The following MAGI2 variants were observed in gnomAD, a reference collection of about 807,000 sequenced individuals.
The protein encoded by MAGI2 is membrane-associated guanylate kinase, WW and PDZ domain-containing protein 2.
In MAGI2, 35 loss-of-function variants were observed where a neutral mutation model predicts 133.3. The ratio of observed to expected loss-of-function variants is 0.26; its 90% CI spans 0.20 to 0.35. The LOEUF is 0.35. Ranked by LOEUF, MAGI2 falls within the 10% of genes least tolerant of loss-of-function variation. The probability of loss-of-function intolerance (pLI) is 1.00; values close to 1 mark genes in which losing one functional copy is unlikely to be tolerated. For synonymous variants in MAGI2, 729 were observed against 710.6 expected (o/e 1.03, Z -0.41); for missense variants, 1,636 against 1,863.4 (o/e 0.88, Z 2.25).
intron 9 of MAGI2, among the ~76,000 whole-genome samples, chr7:78,295,001 G>A (rs142415383): frequency 1.2e-4 from 18 of 152,086 alleles, no homozygotes; most frequent in Non-Finnish European, 2.2e-4. Flanking sequence ...AAGATAAGGC[G>A]TCATTATTTT....
chr7:78,451,146 C>T (rs1035525611), intron 6 of MAGI2, among the ~76,000 whole-genome samples: 3 of 152,004 alleles, frequency 2.0e-5, no homozygotes, highest in African/African-American at 7.2e-5. Flanking sequence ...GTTTAGTTCC[C>T]ACTTGTGGCT....
At chr7:78,715,083 G>A (rs1423405493) in intron 2 of MAGI2, among the ~76,000 whole-genome samples, 2 of 152,164 alleles carry the variant, frequency 1.3e-5, no homozygotes, top group African/African-American at 4.8e-5. Flanking sequence ...CACTAAGGCT[G>A]ATATTTACTA....
At chr7:78,889,710 A>C (rs1796579937) in intron 2 of MAGI2, among the ~76,000 whole-genome samples, 1 of 152,210 alleles carries the variant, frequency 6.6e-6, no homozygotes, top group African/African-American at 2.4e-5. Context: ...GCCTGCCCTA[A>C]AAGACCTCCT....
intron 1 of MAGI2, among the ~76,000 whole-genome samples, chr7:79,285,958 T>G (rs1383539735): frequency 6.6e-6 from 1 of 152,078 alleles, no homozygotes; most frequent in East Asian, 1.9e-4. Context: ...AGTAGACAGT[T>G]AAAAATGAGT....
At chr7:79,067,479 G>T (rs2117122906) in intron 1 of MAGI2, among the ~76,000 whole-genome samples, 1 of 152,276 alleles carries the variant, frequency 6.6e-6, no homozygotes, top group East Asian at 1.9e-4. Context: ...TGCTGAAGTT[G>T]CTTATCAGCT....
intron 9 of MAGI2, among the ~76,000 whole-genome samples, chr7:78,289,916 C>T (rs1200948172): frequency 6.6e-6 from 1 of 152,122 alleles, no homozygotes; most frequent in African/African-American, 2.4e-5. Context: ...GATTTTGTCA[C>T]CACCAGGCCT....
chr7:78,509,528 T>C (rs1795390128), intron 4 of MAGI2: 1 of 152,212 alleles, frequency 6.6e-6, no homozygotes. Flanking sequence ...TAAATGTATG[T>C]ATTTGTGCAT....
chr7:78,735,860 A>C (rs2151237930), intron 2 of MAGI2, among the ~76,000 whole-genome samples: 1 of 152,294 alleles, frequency 6.6e-6, no homozygotes, highest in East Asian at 1.9e-4. Context: ...TTAATATTAG[A>C]AATTTTGTCT....
intron 1 of MAGI2, among the ~76,000 whole-genome samples, chr7:79,194,580 T>C (rs1827926659): frequency 6.6e-6 from 1 of 152,014 alleles, no homozygotes; most frequent in Non-Finnish European, 1.5e-5. Flanking sequence ...TAAATTTCTT[T>C]ACTACATTGA....
At chr7:79,243,874 T>C (rs1222649829) in intron 1 of MAGI2, among the ~76,000 whole-genome samples, 2 of 152,220 alleles carry the variant, frequency 1.3e-5, no homozygotes, top group Non-Finnish European at 2.9e-5. Context: ...GGATTTCAAT[T>C]TTCATAACTT....
intron 1 of MAGI2, among the ~76,000 whole-genome samples, chr7:79,324,408 A>AC (rs1839435809): frequency 7.0e-6 from 1 of 142,944 alleles, no homozygotes; most frequent in African/African-American, 2.6e-5. Context: ...ATATACACAC[A>AC]ACGTATCTAT....
At chr7:78,455,743 T>C (rs1433132324) in intron 6 of MAGI2, among the ~76,000 whole-genome samples, 1 of 152,184 alleles carries the variant, frequency 6.6e-6, no homozygotes, top group Non-Finnish European at 1.5e-5. Flanking sequence ...TCAGTGATGT[T>C]AGTCTGGCTT....
At chr7:79,096,005 G>T (rs1057284714) in intron 1 of MAGI2, among the ~76,000 whole-genome samples, 3 of 152,072 alleles carry the variant, frequency 2.0e-5, no homozygotes, top group South Asian at 2.1e-4. Flanking sequence ...ATGTTGAAAA[G>T]GTCCAGAGCA....
chr7:78,860,132 C>T (rs901011370), intron 2 of MAGI2, among the ~76,000 whole-genome samples: 4 of 152,156 alleles, frequency 2.6e-5, no homozygotes, highest in Admixed American at 1.3e-4. Flanking sequence ...TTCTGGTTAG[C>T]CATTCGTCTA....
intron 2 of MAGI2, among the ~76,000 whole-genome samples, chr7:78,866,876 T>C (rs1048032137): frequency 2.0e-5 from 3 of 151,964 alleles, no homozygotes; most frequent in Non-Finnish European, 4.4e-5. Context: ...AAAAAGTGGG[T>C]GAAGGACATG....
intron 20 of MAGI2, among the ~76,000 whole-genome samples, chr7:78,109,493 G>A (rs556309610): frequency 1.4e-4 from 22 of 151,918 alleles, no homozygotes; most frequent in South Asian, 4.2e-4. Context: ...TTAGCTGGGC[G>A]TGGTGGCACG....
intron 1 of MAGI2, among the ~76,000 whole-genome samples, chr7:79,382,623 G>T (rs1843873406): frequency 6.6e-6 from 1 of 151,580 alleles, no homozygotes; most frequent in Admixed American, 6.6e-5. Context: ...ATGTGTTTTT[G>T]TAAGGTTTAA....
rs1405599112 is a variant in MAGI2, at chr7:78,079,174, A to G, written c.3568-89T>C. The stretch of plus-strand genomic sequence containing the variant: ...ATTAAAAAAAAAGCATGTCTAGATG[A>G]CCTGAGAGCATCCGAACAATTTGGT... On this transcript the variant is annotated intron_variant, in intron 20 of 21. Transcript: ENST00000354212. 4 of 1,289,078 alleles carry G rather than the reference A, an allele frequency of 3.1e-6. No individual in the cohort carries two copies. The African/African-American group carries it at 4.5e-5, about 14-fold the overall frequency. 79.9% of individuals were successfully genotyped at this position (1,289,078 alleles called of 1,614,324 possible). A position where few individuals can be genotyped will look rare whatever the true frequency, so the allele number is the denominator to read the frequency against.
intron 2 of MAGI2, among the ~76,000 whole-genome samples, chr7:78,981,962 A>C (rs1387006559): frequency 2.6e-5 from 4 of 151,844 alleles, no homozygotes; most frequent in African/African-American, 9.7e-5. Flanking sequence ...TCTCTTTCAC[A>C]AGTGTAGGTA....
Sources: gnomAD v4.1 joint callset for allele counts (sites outside exome capture counted in the v4.1 genomes callset) on GRCh38, gnomAD v4.1.1 for gene constraint, MANE v1.5 for transcripts, NCBI Gene and HGNC (gene_info 2026-07-23, HGNC 2026-07-21) for gene names.